The following CHL1 variants were observed in gnomAD, a reference collection of about 807,000 sequenced individuals.
CHL1 encodes the protein cell adhesion molecule L1 like, also known as neural cell adhesion molecule L1-like protein.
In CHL1, 96 loss-of-function variants were observed where a neutral mutation model predicts 141.9. The observed-to-expected ratio is 0.68, with a 90% CI of 0.57 to 0.80. CHL1 has a LOEUF of 0.80. Ranked by LOEUF, CHL1 falls within the 30% of genes least tolerant of loss-of-function variation. The pLI is 0.00. For missense variants in CHL1, 1,820 were observed against 1,457.2 expected (o/e 1.25, Z -4.05); for synonymous variants, 613 against 502.2 (o/e 1.22, Z -2.95).
At chr3:360,247 G>A in intron 11 of CHL1, 37 bp from the exon 12 acceptor site, 2 of 1,609,142 alleles carry the variant, frequency 1.2e-6, no homozygotes, top group African/African-American at 1.3e-5. Flanking sequence ...TTTATGTCCT[G>A]TTCCTTATCA....
intron 2 of CHL1, among the ~76,000 whole-genome samples, chr3:305,059 C>T (rs1699107076): frequency 6.6e-6 from 1 of 151,924 alleles, no homozygotes; most frequent in Non-Finnish European, 1.5e-5. Flanking sequence ...AAATTGCATG[C>T]CAAACCATAA....
intron 2 of CHL1, among the ~76,000 whole-genome samples, chr3:256,287 C>G (rs952435842): frequency 6.6e-6 from 1 of 152,144 alleles, no homozygotes; most frequent in Non-Finnish European, 1.5e-5. Flanking sequence ...TTGTATATTA[C>G]CATAGCATGC....
chr3:199,936 G>C (rs934613727), intron 1 of CHL1, among the ~76,000 whole-genome samples: 1 of 152,196 alleles, frequency 6.6e-6, no homozygotes, highest in African/African-American at 2.4e-5. Context: ...ACTGGTGTCA[G>C]ATTTGAAGGA....
chr3:338,302 T>G (rs1236479158), intron 5 of CHL1, among the ~76,000 whole-genome samples: 1 of 152,140 alleles, frequency 6.6e-6, no homozygotes, highest in African/African-American at 2.4e-5. Flanking sequence ...GATAAAGGAG[T>G]GTAATTACCT....
chr3:221,784 C>T (rs887762123), intron 1 of CHL1, among the ~76,000 whole-genome samples: 5 of 152,154 alleles, frequency 3.3e-5, no homozygotes, highest in African/African-American at 1.2e-4. Flanking sequence ...ATTAAGTTAA[C>T]AAGAACATAG....
chr3:302,215 C>T (rs1698814734), intron 2 of CHL1, among the ~76,000 whole-genome samples: 1 of 152,164 alleles, frequency 6.6e-6, no homozygotes, highest in African/African-American at 2.4e-5. Flanking sequence ...CATACATGTG[C>T]ATGTGTCTAT....
chr3:212,557 C>G (rs545073787), intron 1 of CHL1, among the ~76,000 whole-genome samples: 1 of 152,180 alleles, frequency 6.6e-6, no homozygotes, highest in Non-Finnish European at 1.5e-5. Flanking sequence ...TACATGTCAC[C>G]GCTAAAATCC....
At chr3:363,918 A>C (rs540045376) in intron 14 of CHL1, 1 of 152,342 alleles carries the variant, frequency 6.6e-6, no homozygotes, top group South Asian at 2.1e-4. Flanking sequence ...AATATTGCTC[A>C]GAGAATCTTC....
intron 1 of CHL1, among the ~76,000 whole-genome samples, chr3:221,774 ATTAAG>A (rs1395702874): frequency 6.6e-6 from 1 of 152,240 alleles, no homozygotes. Flanking sequence ...TTAATTTAGT[ATTAAG>A]TTAACAAGAA....
chr3:385,016 G>T (rs1160226862), intron 19 of CHL1, among the ~76,000 whole-genome samples: 1 of 151,900 alleles, frequency 6.6e-6, no homozygotes, highest in Admixed American at 6.6e-5. Context: ...TTTTTAAAAT[G>T]GTAATACATA....
chr3:357,137 T>A (rs1371666154), intron 11 of CHL1, among the ~76,000 whole-genome samples: 1 of 152,168 alleles, frequency 6.6e-6, no homozygotes, highest in Non-Finnish European at 1.5e-5. Flanking sequence ...AGCTGAATAA[T>A]GGTAGACTTC....
At chr3:236,090 AGAGATTTG>A in intron 1 of CHL1, among the ~76,000 whole-genome samples, 1 of 152,180 alleles carries the variant, frequency 6.6e-6, no homozygotes, top group South Asian at 2.1e-4. Context: ...CTGAATGATA[AGAGATTTG>A]GACCTTGTGT....
chr3:274,103 T>C (rs1274056558), intron 2 of CHL1, among the ~76,000 whole-genome samples: 2 of 152,212 alleles, frequency 1.3e-5, no homozygotes, highest in African/African-American at 4.8e-5. Flanking sequence ...TCCATGCCAG[T>C]CTGAAAACAG....
chr3:285,703 A>G (rs976936338), intron 2 of CHL1, among the ~76,000 whole-genome samples: 17 of 152,224 alleles, frequency 1.1e-4, no homozygotes, highest in Non-Finnish European at 1.8e-4. Context: ...AATACTATGT[A>G]TAATATGCAC....
At chr3:237,501 G>A (rs965192463) in intron 1 of CHL1, among the ~76,000 whole-genome samples, 2 of 152,176 alleles carry the variant, frequency 1.3e-5, no homozygotes, top group Non-Finnish European at 2.9e-5. Flanking sequence ...AAAAGACTGA[G>A]GTATAATCAG....
chr3:369,015 A>T (rs1240924152), intron 15 of CHL1, among the ~76,000 whole-genome samples: 3 of 152,296 alleles, frequency 2.0e-5, no homozygotes, highest in South Asian at 4.1e-4. Flanking sequence ...TGTAGTTTGA[A>T]GTCAGGTAGC....
At chr3:351,709 T>A (rs1457036505) in intron 10 of CHL1, among the ~76,000 whole-genome samples, 3 of 152,170 alleles carry the variant, frequency 2.0e-5, no homozygotes, top group African/African-American at 7.2e-5. Context: ...GGATTCTTTC[T>A]GTATGTGCAA....
chr3:228,943 TA>T (rs750261458), intron 1 of CHL1, among the ~76,000 whole-genome samples: 11 of 152,340 alleles, frequency 7.2e-5, no homozygotes, highest in Non-Finnish European at 1.5e-4. Context: ...AAAACTGATT[TA>T]AATCTTTAGA....
chr3:355,486 G>A (rs1207427513), intron 11 of CHL1, among the ~76,000 whole-genome samples: 1 of 152,152 alleles, frequency 6.6e-6, no homozygotes, highest in Non-Finnish European at 1.5e-5. Context: ...CTGGAACCTA[G>A]AGCTCAGATT....
Sources: allele counts gnomAD v4.1 joint callset (sites outside exome capture counted in the v4.1 genomes callset), GRCh38; gene constraint gnomAD v4.1.1; transcripts MANE v1.5; gene names NCBI Gene and HGNC (gene_info 2026-07-23, HGNC 2026-07-21).